ZDHHC13: variants seen among roughly 807,000 people sequenced by gnomAD.
ZDHHC13 encodes zDHHC palmitoyltransferase 13.
A neutral mutation model predicts 86.0 loss-of-function variants in ZDHHC13; 85 were observed. The observed-to-expected ratio is 0.99, with a 90% CI of 0.83 to 1.18. The LOEUF (loss-of-function observed/expected upper bound fraction) is 1.18. Ranked by LOEUF, ZDHHC13 falls within the 50% of genes most tolerant of loss-of-function variation. The probability of loss-of-function intolerance (pLI) is 0.00; values close to 1 mark genes in which losing one functional copy is unlikely to be tolerated. For synonymous variants in ZDHHC13, 263 were observed against 246.4 expected (o/e 1.07, Z -0.63); for missense variants, 711 against 730.2 (o/e 0.97, Z 0.30).
intron 8 of ZDHHC13, among the ~76,000 whole-genome samples, chr11:19,154,978 G>A: frequency 6.6e-6 from 1 of 152,160 alleles, no homozygotes; most frequent in East Asian, 1.9e-4. Context: ...ACTGCCAGCT[G>A]GTTGTCTCCT....
intron 14 of ZDHHC13, chr11:19,170,179 C>T: frequency 7.6e-7 from 1 of 1,314,798 alleles, no homozygotes; most frequent in Non-Finnish European, 9.6e-7. Context: ...TTTATTCCTT[C>T]ACTGTTAACT....
chr11:19,142,418 T>A (rs185243638), intron 1 of ZDHHC13, among the ~76,000 whole-genome samples: 7 of 152,290 alleles, frequency 4.6e-5, no homozygotes, highest in African/African-American at 1.4e-4. Context: ...TTTGCCATAT[T>A]CCATTGCCTA....
At chr11:19,164,490 C>A in intron 12 of ZDHHC13, 127 bp downstream of exon 12, 3 of 874,274 alleles carry the variant, frequency 3.4e-6, no homozygotes, top group Non-Finnish European at 3.5e-6. Context: ...TCTAATTTTA[C>A]ATTCCTGTCT....
intron 14 of ZDHHC13, chr11:19,170,149 G>A: frequency 7.8e-7 from 1 of 1,273,920 alleles, no homozygotes. Context: ...TTTTAGTAAA[G>A]ATTTTACGGA....
At chr11:19,131,534 G>A (rs1849000189) in intron 1 of ZDHHC13, among the ~76,000 whole-genome samples, 1 of 152,024 alleles carries the variant, frequency 6.6e-6, no homozygotes. Context: ...CTGCATTTTG[G>A]ATACTTTTCC....
At chr11:19,119,004 C>T (rs1286729120) in intron 1 of ZDHHC13, among the ~76,000 whole-genome samples, 2 of 152,248 alleles carry the variant, frequency 1.3e-5, no homozygotes, top group Non-Finnish European at 2.9e-5. Context: ...CAGACAAAAA[C>T]ATTACTGCTC....
At chr11:19,163,921 AC>A (rs1849982812) in intron 11 of ZDHHC13, among the ~76,000 whole-genome samples, 1 of 152,158 alleles carries the variant, frequency 6.6e-6, no homozygotes, top group African/African-American at 2.4e-5. Context: ...TTCCTGAAAG[AC>A]CCAGCCCTTG....
chr11:19,127,899 G>A (rs770487953), intron 1 of ZDHHC13, among the ~76,000 whole-genome samples: 17 of 152,132 alleles, frequency 1.1e-4, no homozygotes, highest in Admixed American at 3.3e-4. Flanking sequence ...CTCCAGCTTT[G>A]TTCTTTTTGC....
intron 1 of ZDHHC13, among the ~76,000 whole-genome samples, chr11:19,132,064 AGTTT>A (rs1328720116): frequency 6.6e-6 from 1 of 152,132 alleles, no homozygotes; most frequent in Non-Finnish European, 1.5e-5. Context: ...TCATCTTTAT[AGTTT>A]CAAGATCTGG....
intron 9 of ZDHHC13, among the ~76,000 whole-genome samples, chr11:19,156,616 T>C (rs372784120): frequency 3.4e-4 from 52 of 152,218 alleles, no homozygotes; most frequent in African/African-American, 1.2e-3. Flanking sequence ...TCTCTTCTTC[T>C]CTCTTACCTT....
intron 14 of ZDHHC13, chr11:19,169,754 G>C (rs925277183): frequency 2.0e-6 from 2 of 985,306 alleles, no homozygotes; most frequent in African/African-American, 1.7e-5. Context: ...GATATGAAAG[G>C]CCATAGTAAA....
chr11:19,168,147 TAA>T (rs1485224837), intron 14 of ZDHHC13: 1 of 152,218 alleles, frequency 6.6e-6, no homozygotes. Flanking sequence ...GTGTAAAAAG[TAA>T]AAGAGTTTTT....
intron 15 of ZDHHC13, among the ~76,000 whole-genome samples, chr11:19,171,939 G>A (rs1296339355): frequency 6.6e-6 from 1 of 152,094 alleles, no homozygotes; most frequent in Admixed American, 6.5e-5. Flanking sequence ...CTAGGTTGTT[G>A]GTTAGGAGCA....
In ZDHHC13 at chr11:19,150,728, G is replaced by T; in HGVS notation, c.521G>T (p.Ser174Ile). Residue 174 changes from serine (S) to isoleucine (I), a missense_variant and splice_region_variant, in exon 6 of 17, where the codon AGT becomes ATT. Physicochemically the swap from Ser to Ile is moderately radical, Grantham distance 142. Transcript: ENST00000446113. The stretch of plus-strand genomic sequence containing the variant: ...GCTAATTGTCTTCTTTTTGAATAGA[G>T]TGTGAATATGACAGATGTAAATGGG... ...IIAYLISKGQSVNMTDVNGQT... is the reference protein window; with the variant it reads ...IIAYLISKGQIVNMTDVNGQT... The T allele has an allele frequency of 6.2e-7, 1 of 1,603,998 alleles. No individual in the cohort carries two copies. Among genetic ancestry groups the T allele is most frequent in the Non-Finnish European group, 8.5e-7 (1 of 1,172,914 alleles).
At chr11:19,154,348 G>A (rs1849699869) in intron 8 of ZDHHC13, among the ~76,000 whole-genome samples, 2 of 151,968 alleles carry the variant, frequency 1.3e-5, no homozygotes, top group Admixed American at 6.6e-5. Context: ...TCTGTTCTGA[G>A]ATTATGTTGC....
chr11:19,152,600 G>T lies in ZDHHC13; in HGVS notation c.789G>T (p.Gln263His). ...ATATGGCTCTACAAAACAAAAATCA[G>T]CTCATTATTCATATGCTAAAAACAG... ...PLDMALQNKN[Q>H]LIIHMLKTEA... Residue 263 changes from glutamine (Q) to histidine (H), a missense_variant, in exon 8 of 17, where the codon CAG becomes CAT. Physicochemically the swap from Gln to His is conservative, Grantham distance 24 (BLOSUM62 0). Coordinates refer to ENST00000446113, the MANE Select transcript of ZDHHC13 (RefSeq NM_019028.3). 6.2e-7 allele frequency: 1 copy of T among 1,613,142 alleles called. No individual in the cohort carries two copies. Among genetic ancestry groups the T allele is most frequent in the Non-Finnish European group, 8.5e-7 (1 of 1,179,388 alleles).
chr11:19,131,410 A>G (rs1280039566), intron 1 of ZDHHC13, among the ~76,000 whole-genome samples: 1 of 152,106 alleles, frequency 6.6e-6, no homozygotes, highest in Admixed American at 6.6e-5. Flanking sequence ...GTGAGTTTAT[A>G]ATTTTCGCCA....
chr11:19,172,868 T>C (rs1186739495), intron 16 of ZDHHC13, 48 bp downstream of exon 16: 2 of 1,511,108 alleles, frequency 1.3e-6, no homozygotes, highest in East Asian at 4.9e-5. Flanking sequence ...AGATCCCTAG[T>C]CACTGGTTTC....
intron 1 of ZDHHC13, among the ~76,000 whole-genome samples, chr11:19,135,454 A>G (rs974362013): frequency 1.3e-5 from 2 of 152,242 alleles, no homozygotes; most frequent in Non-Finnish European, 2.9e-5. Context: ...TTGCTAGCAC[A>G]GCAGTCTGAG....
Sources: gnomAD v4.1 joint callset for allele counts (sites outside exome capture counted in the v4.1 genomes callset) on GRCh38, gnomAD v4.1.1 for gene constraint, MANE v1.5 for transcripts, NCBI Gene and HGNC (gene_info 2026-07-23, HGNC 2026-07-21) for gene names.